The following SGO2 variants were observed in gnomAD, a reference collection of about 807,000 sequenced individuals.
SGO2 encodes the protein shugoshin-like 2.
A neutral mutation model predicts 99.5 loss-of-function variants in SGO2; 68 were observed. The ratio of observed to expected loss-of-function variants is 0.68; its 90% CI spans 0.56 to 0.84. The LOEUF (loss-of-function observed/expected upper bound fraction) is 0.84. Ranked by LOEUF, SGO2 falls within the 40% of genes least tolerant of loss-of-function variation. The pLI, the probability that SGO2 is intolerant of heterozygous loss-of-function variation, is 0.00. For missense variants in SGO2, 1,350 were observed against 1,436.7 expected (o/e 0.94, Z 0.97); for synonymous variants, 457 against 487.1 (o/e 0.94, Z 0.81).
In SGO2 at chr2:200,583,540, A is replaced by G. The variant is rs2033904466; in HGVS notation, c.*76A>G. On this transcript the variant is annotated 3_prime_UTR_variant, in exon 9 of 9. Coordinates refer to ENST00000357799, the MANE Select transcript of SGO2 (RefSeq NM_152524.6). The stretch of plus-strand genomic sequence containing the variant: ...AAAACAGAAATATAGTATCAAGAAG[A>G]TGAAATGCTTAATGAAAAGGTTTTT... 7.5e-7 allele frequency: 1 copy of G among 1,331,866 alleles called. No homozygotes were observed. Among genetic ancestry groups the G allele is most frequent in the Non-Finnish European group, 1.0e-6 (1 of 971,580 alleles). 82.5% of individuals were successfully genotyped at this position (1,331,866 alleles called of 1,614,324 possible). A position where few individuals can be genotyped will look rare whatever the true frequency, so the allele number is the denominator to read the frequency against.
intron 8 of SGO2, among the ~76,000 whole-genome samples, chr2:200,578,176 A>ATAGATATAGATATAGATG (rs1479775069): frequency 7.2e-5 from 11 of 152,258 alleles, no homozygotes; most frequent in Non-Finnish European, 1.5e-4. Context: ...AGATATAGAT[A>ATAGATATAGATATAGATG]TAGATATATA....
chr2:200,582,617 A>T (rs1286509118), intron 8 of SGO2, among the ~76,000 whole-genome samples: 1 of 152,150 alleles, frequency 6.6e-6, no homozygotes, highest in African/African-American at 2.4e-5. Context: ...TAGTATAATT[A>T]GTGCATGAAC....
chr2:200,529,361 G>A (rs1200320257), intron 1 of SGO2, among the ~76,000 whole-genome samples: 1 of 152,160 alleles, frequency 6.6e-6, no homozygotes, highest in Non-Finnish European at 1.5e-5. Flanking sequence ...TATTCCATGC[G>A]CTGGGGAATA....
At chr2:200,535,984 G>A in intron 3 of SGO2, 81 bp from the exon 4 acceptor site, 2 of 828,178 alleles carry the variant, frequency 2.4e-6, no homozygotes, top group Non-Finnish European at 3.7e-6. Flanking sequence ...TTCTCACATG[G>A]ATGGCATTCA....
chr2:200,550,874 G>A (rs534230370), intron 5 of SGO2, among the ~76,000 whole-genome samples: 7 of 151,948 alleles, frequency 4.6e-5, no homozygotes, highest in African/African-American at 1.4e-4. Flanking sequence ...GCACAGCAAC[G>A]GAAACAATCA....
At chr2:200,560,694 T>C (rs529828885) in intron 5 of SGO2, among the ~76,000 whole-genome samples, 4 of 152,324 alleles carry the variant, frequency 2.6e-5, no homozygotes, top group African/African-American at 9.6e-5. Flanking sequence ...ATTCTTGTGC[T>C]ATGTTCATAA....
At chr2:200,557,277 C>T (rs1300825552) in intron 5 of SGO2, among the ~76,000 whole-genome samples, 1 of 152,198 alleles carries the variant, frequency 6.6e-6, no homozygotes, top group East Asian at 1.9e-4. Flanking sequence ...GTGAAGCATC[C>T]TTGCCTTTTA....
intron 1 of SGO2, among the ~76,000 whole-genome samples, chr2:200,530,866 G>A (rs1313034513): frequency 6.6e-6 from 1 of 152,218 alleles, no homozygotes; most frequent in African/African-American, 2.4e-5. Flanking sequence ...AATAGTCTAA[G>A]TGAAAGCCTG....
chr2:200,554,390 T>G (rs2032618070), intron 5 of SGO2, among the ~76,000 whole-genome samples: 1 of 152,136 alleles, frequency 6.6e-6, no homozygotes, highest in African/African-American at 2.4e-5. Flanking sequence ...GTACTGGAAG[T>G]TTTTTCCTCT....
chr2:200,550,116 A>G (rs1002419619), intron 5 of SGO2, among the ~76,000 whole-genome samples: 3 of 152,188 alleles, frequency 2.0e-5, no homozygotes, highest in African/African-American at 7.2e-5. Context: ...GCTACAAAAA[A>G]TATGAAATAC....
chr2:200,534,445 G>A (rs191258597), intron 2 of SGO2, among the ~76,000 whole-genome samples: 5 of 152,306 alleles, frequency 3.3e-5, no homozygotes, highest in Admixed American at 6.5e-5. Context: ...AAAAGGTCCC[G>A]TGGGGTTTAG....
At chr2:200,530,867 T>C (rs2031339858) in intron 1 of SGO2, among the ~76,000 whole-genome samples, 1 of 152,196 alleles carries the variant, frequency 6.6e-6, no homozygotes, top group Non-Finnish European at 1.5e-5. Context: ...ATAGTCTAAG[T>C]GAAAGCCTGA....
Position 200,575,502 on chromosome 2 carries a change from T to C in SGO2, c.3782+41T>C, listed in dbSNP as rs372492244. On this transcript the variant is annotated intron_variant, in intron 8 of 8. Transcript: ENST00000357799. Reference sequence around the variant, plus strand: ...GATTTTAGTATGCCATTATAAAATATATCCTTAAAAAAATTTCTGCCTGAA... The same window carrying C: ...GATTTTAGTATGCCATTATAAAATACATCCTTAAAAAAATTTCTGCCTGAA... The C allele has an allele frequency of 6.2e-5, 90 of 1,458,002 alleles. No individual in the cohort carries two copies. In the African/African-American group the frequency reaches 1.0e-3, roughly 16 times the overall value. 90.3% of individuals were successfully genotyped at this position (1,458,002 alleles called of 1,614,324 possible).
chr2:200,579,452 C>T (rs2033767065), intron 8 of SGO2, among the ~76,000 whole-genome samples: 2 of 152,146 alleles, frequency 1.3e-5, no homozygotes, highest in African/African-American at 4.8e-5. Flanking sequence ...AGTAGAAATG[C>T]TTCTGTTGAA....
At chr2:200,544,608 A>G (rs2032120897) in intron 5 of SGO2, among the ~76,000 whole-genome samples, 1 of 152,078 alleles carries the variant, frequency 6.6e-6, no homozygotes, top group Non-Finnish European at 1.5e-5. Context: ...GTCTATTACA[A>G]ATAGGGCTGC....
intron 3 of SGO2, 72 bp from the exon 4 acceptor site, chr2:200,535,993 C>A: frequency 2.1e-6 from 2 of 947,374 alleles, no homozygotes; most frequent in Non-Finnish European, 3.1e-6. Context: ...GGATGGCATT[C>A]ATAAATGCCT....
chr2:200,563,386 C>G (rs2033055191), intron 5 of SGO2, among the ~76,000 whole-genome samples: 1 of 152,190 alleles, frequency 6.6e-6, no homozygotes, highest in Admixed American at 6.5e-5. Context: ...GTTGAACCAG[C>G]CTTGTATCCC....
intron 8 of SGO2, chr2:200,576,098 G>A (rs1241999069): frequency 2.5e-6 from 1 of 396,598 alleles, no homozygotes; most frequent in Admixed American, 3.4e-5. Flanking sequence ...AGACAACAAT[G>A]ATCACATCTA....
rs1210581704 is a variant in SGO2, at chr2:200,572,689, G to C, written c.2343G>C (p.Glu781Asp). The change falls in exon 7 of 9, where the codon GAG becomes GAC. Residue 781 changes from glutamate to aspartate, a missense_variant. Physicochemically the swap from Glu to Asp is conservative, Grantham distance 45. Coordinates refer to ENST00000357799, the MANE Select transcript of SGO2 (RefSeq NM_152524.6). ...ATAGTGGAAACCTGTATGATTCTGA[G>C]ATTCAAAATGTTTTGGGGGTGAAAC... ...TKDSGNLYDS[E>D]IQNVLGVKHG... 6.8e-6 allele frequency: 11 copies of C among 1,611,998 alleles called. No individual in the cohort carries two copies. Among genetic ancestry groups the C allele is most frequent in the Non-Finnish European group, 9.3e-6 (11 of 1,179,246 alleles).
Sources: allele counts gnomAD v4.1 joint callset (sites outside exome capture counted in the v4.1 genomes callset), GRCh38; gene constraint gnomAD v4.1.1; transcripts MANE v1.5; gene names NCBI Gene and HGNC (gene_info 2026-07-23, HGNC 2026-07-21).